The following NECTIN3 variants were observed in gnomAD, a reference collection of about 807,000 sequenced individuals.
NECTIN3 encodes nectin cell adhesion molecule 3.
NECTIN3 carries 8 observed loss-of-function variants against 49.4 expected under a neutral mutation model. That is an observed-to-expected ratio of 0.16 (90% confidence interval 0.10 to 0.29). The LOEUF is 0.29. NECTIN3 is among the 10% of genes least tolerant of loss of function. The pLI is 1.00. For missense variants in NECTIN3, 581 were observed against 654.6 expected (o/e 0.89, Z 1.23); for synonymous variants, 277 against 241.1 (o/e 1.15, Z -1.38).
chr3:111,193,469 C>A, intron 1 of NECTIN3: 1 of 1,320,040 alleles, frequency 7.6e-7, no homozygotes, highest in Non-Finnish European at 1.0e-6. Flanking sequence ...TACTGTCTCT[C>A]ATATAAGAAC....
chr3:111,151,415 T>G (rs1048075469), intron 7 of NECTIN3, among the ~76,000 whole-genome samples: 24 of 151,924 alleles, frequency 1.6e-4, no homozygotes, highest in African/African-American at 4.8e-4. Flanking sequence ...CTGTATCAAG[T>G]ATGAGATATC....
In NECTIN3 at chr3:111,099,750, G is replaced by A. The variant is rs543028687; in HGVS notation, c.161-12280G>A. ...CATTCTCTGTGCTTACCTCTTAGCT[G>A]CTAGTGATGCTGGGGTTAGGGGAGT... On this transcript the variant is annotated intron_variant, in intron 1 of 5. Transcript: ENST00000485303. Among the ~76,000 whole-genome samples, 24 of 152,242 alleles carry A rather than the reference G, an allele frequency of 1.6e-4. No homozygotes were observed. In the South Asian group the frequency reaches 5.0e-3, roughly 32 times the overall value.
downstream of NECTIN3, among the ~76,000 whole-genome samples, chr3:111,140,378 G>A (rs1410600559): frequency 6.7e-6 from 1 of 150,368 alleles, no homozygotes; most frequent in South Asian, 2.1e-4. Flanking sequence ...TGGTTGACTT[G>A]TTATATCTGG....
chr3:111,093,624 C>T (rs1016540707), intron 1 of NECTIN3, among the ~76,000 whole-genome samples: 15 of 151,774 alleles, frequency 9.9e-5, no homozygotes, highest in Non-Finnish European at 5.9e-5. Context: ...TTAGTAGAAA[C>T]GGGGTTTTAC....
rs1431649270 is a variant in NECTIN3 at position 111,122,208 on chromosome 3, A to G, written c.887A>G (p.Asn296Ser). ...AATCTCAAATGTAATGCTGATGCAA[A>G]TCCACCACCCTTCAAATCTGTGTGG... Reference protein sequence around the residue: ...GVNLKCNADANPPPFKSVWSR... With the variant: ...GVNLKCNADASPPPFKSVWSR... Residue 296 changes from asparagine (N) to serine (S), a missense_variant, in exon 4 of 6, where the codon AAT (asparagine) becomes AGT (serine). Asn to Ser is a conservative substitution (Grantham distance 46, BLOSUM62 1). Coordinates refer to ENST00000485303, the MANE Select transcript of NECTIN3 (RefSeq NM_015480.3). 6 of 1,612,390 alleles carry G rather than the reference A, an allele frequency of 3.7e-6. No homozygotes were observed. The highest frequency in any genetic ancestry group is 5.1e-6 in the Non-Finnish European group (6 of 1,178,652).
chr3:111,181,351 A>G (rs992086084), intron 7 of NECTIN3, among the ~76,000 whole-genome samples: 19 of 152,084 alleles, frequency 1.2e-4, no homozygotes, highest in African/African-American at 4.3e-4. Flanking sequence ...ATAATTTTTT[A>G]TATTCATTCA....
intron 7 of NECTIN3, among the ~76,000 whole-genome samples, chr3:111,155,417 T>G (rs1316076125): frequency 1.3e-5 from 2 of 152,180 alleles, no homozygotes; most frequent in African/African-American, 2.4e-5. Context: ...CATTGAAGTT[T>G]AATGTGGTAA....
At chr3:111,100,236 G>A (rs1052278949) in intron 1 of NECTIN3, among the ~76,000 whole-genome samples, 4 of 152,000 alleles carry the variant, frequency 2.6e-5, no homozygotes, top group Non-Finnish European at 5.9e-5. Context: ...CGTTATAGAA[G>A]GCTATATGAG....
At chr3:111,108,161 A>G (rs1184414017) in intron 1 of NECTIN3, among the ~76,000 whole-genome samples, 2 of 152,120 alleles carry the variant, frequency 1.3e-5, no homozygotes, top group Non-Finnish European at 2.9e-5. Flanking sequence ...ATAAATCTTG[A>G]TAGTTACATT....
At chr3:111,099,078 T>C (rs1046146785) in intron 1 of NECTIN3, among the ~76,000 whole-genome samples, 6 of 152,212 alleles carry the variant, frequency 3.9e-5, no homozygotes, top group Admixed American at 6.5e-5. Flanking sequence ...TGTTTGCTTT[T>C]GTTTTTCCTT....
intron 5 of NECTIN3, among the ~76,000 whole-genome samples, chr3:111,132,061 A>C (rs1379330288): frequency 1.3e-5 from 2 of 151,846 alleles, no homozygotes; most frequent in African/African-American, 4.8e-5. Context: ...TTAATGTTCT[A>C]ATGCTGTGAA....
intron 1 of NECTIN3, among the ~76,000 whole-genome samples, chr3:111,073,230 T>G (rs1362097282): frequency 6.6e-6 from 1 of 152,132 alleles, no homozygotes; most frequent in East Asian, 1.9e-4. Flanking sequence ...AAAGATTGGT[T>G]TTCAGTATTT....
rs1370 is a variant in NECTIN3 at position 111,135,227 on chromosome 3, G to C, written c.*1012G>C. 31,675 of 972,292 alleles carry C rather than the reference G, an allele frequency of 0.033. 570 individuals carry two copies. Among genetic ancestry groups the C allele is most frequent in the African/African-American group, 0.044 (2,519 of 56,900 alleles). 60.2% of individuals were successfully genotyped at this position (972,292 alleles called of 1,614,324 possible). On this transcript the variant is annotated 3_prime_UTR_variant, in exon 6 of 6. Transcript: ENST00000485303. ...AAATGTACAGAAAGAAAATTTTAGA[G>C]TAAACTTGGAACTTTGGATATAACT...
chr3:111,179,688 A>G (rs2035592387), intron 7 of NECTIN3, among the ~76,000 whole-genome samples: 2 of 152,042 alleles, frequency 1.3e-5, no homozygotes, highest in Admixed American at 1.3e-4. Flanking sequence ...AGGTCAGGAG[A>G]TCGAGACCAT....
At chr3:111,163,909 A>G (rs758421404) in intron 7 of NECTIN3, among the ~76,000 whole-genome samples, 22 of 152,048 alleles carry the variant, frequency 1.4e-4, no homozygotes, top group Non-Finnish European at 2.6e-4. Context: ...AGAATTCAGA[A>G]TCAAGAAAAG....
intron 1 of NECTIN3, among the ~76,000 whole-genome samples, chr3:111,083,533 A>T: frequency 6.6e-6 from 1 of 152,210 alleles, no homozygotes; most frequent in Non-Finnish European, 1.5e-5. Context: ...GAGGGCTGTC[A>T]CCAGGAACCT....
At chr3:111,139,105 CCTT>C (rs894050620), downstream of NECTIN3, among the ~76,000 whole-genome samples, 1 of 151,618 alleles carries the variant, frequency 6.6e-6, no homozygotes, top group Admixed American at 6.6e-5. Context: ...CCTACATAAT[CCTT>C]CTTGATATTA....
chr3:111,116,796 A>G (rs1212728189), intron 2 of NECTIN3, among the ~76,000 whole-genome samples: 5 of 152,244 alleles, frequency 3.3e-5, no homozygotes, highest in Middle Eastern at 3.4e-3. Context: ...TCTCAGTGGT[A>G]TACCATTACA....
At chr3:111,074,033 CTCT>C (rs1233160363) in intron 1 of NECTIN3, among the ~76,000 whole-genome samples, 2 of 151,204 alleles carry the variant, frequency 1.3e-5, no homozygotes, top group African/African-American at 4.8e-5. Flanking sequence ...TTAGAGTCAA[CTCT>C]TCTTGTTGTA....
Sources: gnomAD v4.1 joint callset for allele counts (sites outside exome capture counted in the v4.1 genomes callset) on GRCh38, gnomAD v4.1.1 for gene constraint, MANE v1.5 for transcripts, NCBI Gene and HGNC (gene_info 2026-07-23, HGNC 2026-07-21) for gene names.